Variants in COL19A1 observed in about 807,000 individuals in gnomAD.
COL19A1 encodes the protein collagen alpha-1(XIX) chain.
A neutral mutation model predicts 190.2 loss-of-function variants in COL19A1; 159 were observed. The observed-to-expected ratio is 0.84, with a 90% CI of 0.73 to 0.95. COL19A1 has a LOEUF of 0.95. Ranked by LOEUF, COL19A1 falls within the 40% of genes least tolerant of loss-of-function variation. The probability of loss-of-function intolerance (pLI) is 0.00; values close to 1 mark genes in which losing one functional copy is unlikely to be tolerated. For synonymous variants in COL19A1, 509 were observed against 458.9 expected (o/e 1.11, Z -1.39); for missense variants, 1,418 against 1,431.9 (o/e 0.99, Z 0.16).
chr6:70,159,376 T>G (rs1787640682), intron 34 of COL19A1, among the ~76,000 whole-genome samples: 1 of 151,886 alleles, frequency 6.6e-6, no homozygotes, highest in Admixed American at 6.6e-5. Context: ...CATACCGATA[T>G]GTAGAGCCTG....
At chr6:70,076,805 G>A (rs1312494267) in intron 15 of COL19A1, among the ~76,000 whole-genome samples, 2 of 152,184 alleles carry the variant, frequency 1.3e-5, no homozygotes, top group African/African-American at 4.8e-5. Flanking sequence ...TAAAGAGAAT[G>A]GAAAAGGAGA....
chr6:69,985,493 G>T (rs940819898), intron 11 of COL19A1, among the ~76,000 whole-genome samples: 2 of 151,952 alleles, frequency 1.3e-5, no homozygotes, highest in African/African-American at 4.8e-5. Flanking sequence ...GCTTAATCAG[G>T]AAAATTAGGA....
At chr6:70,123,955 CATA>C (rs1477468557) in intron 17 of COL19A1, among the ~76,000 whole-genome samples, 11 of 143,946 alleles carry the variant, frequency 7.6e-5, no homozygotes, top group Non-Finnish European at 1.2e-4. Flanking sequence ...AAACTTAAAG[CATA>C]ATAATAATAA....
intron 9 of COL19A1, among the ~76,000 whole-genome samples, chr6:69,953,316 C>T (rs1774227547): frequency 6.6e-6 from 1 of 151,862 alleles, no homozygotes; most frequent in African/African-American, 2.4e-5. Context: ...AATCTACACA[C>T]AGGATTGAAT....
intron 37 of COL19A1, among the ~76,000 whole-genome samples, chr6:70,166,273 A>G (rs1033605308): frequency 3.3e-5 from 5 of 152,162 alleles, no homozygotes; most frequent in African/African-American, 1.2e-4. Context: ...GCCCCTGGGA[A>G]AGTCATTTAA....
intron 15 of COL19A1, among the ~76,000 whole-genome samples, chr6:70,088,318 T>A (rs1017772219): frequency 6.6e-6 from 1 of 152,194 alleles, no homozygotes; most frequent in African/African-American, 2.4e-5. Context: ...TGAGAGATTA[T>A]GTGACTTTTT....
At chr6:70,172,095 T>C in intron 41 of COL19A1, 78 bp downstream of exon 41, 3 of 1,344,046 alleles carry the variant, frequency 2.2e-6, no homozygotes, top group Non-Finnish European at 2.1e-6. Flanking sequence ...TGCCAAAAAC[T>C]GTTTTAGGTT....
chr6:69,887,932 C>T (rs1582287547), intron 2 of COL19A1, among the ~76,000 whole-genome samples: 2 of 152,174 alleles, frequency 1.3e-5, no homozygotes, highest in African/African-American at 2.4e-5. Context: ...AGTGGGCAGC[C>T]TGGTTGGAAT....
intron 4 of COL19A1, among the ~76,000 whole-genome samples, chr6:69,914,295 G>C (rs969806070): frequency 6.6e-6 from 1 of 152,172 alleles, no homozygotes; most frequent in Non-Finnish European, 1.5e-5. Flanking sequence ...CTGGGAGGAA[G>C]GCATTTCAGA....
chr6:70,035,872 G>C, intron 13 of COL19A1, 32 bp from the exon 14 acceptor site: 40 of 1,597,002 alleles, frequency 2.5e-5, no homozygotes, highest in Non-Finnish European at 3.4e-5. Flanking sequence ...AGGGACTAGT[G>C]GTAATTGTAG....
intron 11 of COL19A1, among the ~76,000 whole-genome samples, chr6:69,999,528 T>C (rs1323239349): frequency 3.9e-5 from 6 of 152,162 alleles, no homozygotes; most frequent in Non-Finnish European, 8.8e-5. Context: ...AGTGACACCC[T>C]GTCTCATAAA....
chr6:69,921,450 ATC>A (rs1771870156), intron 4 of COL19A1, among the ~76,000 whole-genome samples: 1 of 26,104 alleles, frequency 3.8e-5, no homozygotes, highest in Non-Finnish European at 8.1e-5. Context: ...TATATCATAT[ATC>A]ATATATATCA....
At chr6:70,154,953 T>G (rs1787346512) in intron 31 of COL19A1, among the ~76,000 whole-genome samples, 1 of 152,150 alleles carries the variant, frequency 6.6e-6, no homozygotes, top group Admixed American at 6.6e-5. Context: ...AGGGTAGGTC[T>G]GCCTCTCCCA....
chr6:69,907,676 G>A (rs1448235670), intron 4 of COL19A1, among the ~76,000 whole-genome samples: 1 of 152,142 alleles, frequency 6.6e-6, no homozygotes, highest in Non-Finnish European at 1.5e-5. Flanking sequence ...TAAAACTTGT[G>A]CAGTTACAAA....
chr6:69,901,108 C>A (rs1471705662), intron 4 of COL19A1, among the ~76,000 whole-genome samples: 1 of 150,138 alleles, frequency 6.7e-6, no homozygotes, highest in African/African-American at 2.5e-5. Context: ...GATGAATATT[C>A]GCATGTATGA....
At chr6:70,058,956 AT>A (rs1271693169) in intron 14 of COL19A1, among the ~76,000 whole-genome samples, 3 of 152,094 alleles carry the variant, frequency 2.0e-5, no homozygotes, top group African/African-American at 7.2e-5. Flanking sequence ...AAGTGCACGT[AT>A]AAAACAAAAT....
At chr6:70,135,913 G>C (rs183645154) in intron 18 of COL19A1, among the ~76,000 whole-genome samples, 197 of 152,178 alleles carry the variant, frequency 1.3e-3, no homozygotes, top group African/African-American at 4.5e-3. Flanking sequence ...CCACCCAGGG[G>C]GTGGAATTGT....
rs560498039 is a variant in COL19A1 at position 70,152,895 on chromosome 6, G to A, written c.2079+1457G>A. Among the ~76,000 whole-genome samples the A allele has an allele frequency of 2.6e-5, 4 of 152,102 alleles. No homozygotes were observed. The South Asian group carries it at 8.3e-4, about 31-fold the overall frequency. On this transcript the variant is annotated intron_variant, in intron 31 of 50. Transcript: ENST00000620364. ...AGAAATGAATATACTGGTAGAATAT[G>A]GGATCTCACAGAACAGATAAAAGGA...
chr6:70,178,822 G>A (rs1378863754), intron 42 of COL19A1, among the ~76,000 whole-genome samples: 1 of 152,102 alleles, frequency 6.6e-6, no homozygotes, highest in Non-Finnish European at 1.5e-5. Context: ...ATTTCCCCTA[G>A]AGCTTCTTTC....
Sources: gnomAD v4.1 joint callset for allele counts (sites outside exome capture counted in the v4.1 genomes callset) on GRCh38, gnomAD v4.1.1 for gene constraint, MANE v1.5 for transcripts, NCBI Gene and HGNC (gene_info 2026-07-23, HGNC 2026-07-21) for gene names.